NFIC: variants seen among roughly 807,000 people sequenced by gnomAD.
NFIC encodes the protein nuclear factor 1 C-type.
NFIC carries 12 observed loss-of-function variants against 54.4 expected under a neutral mutation model. The ratio of observed to expected loss-of-function variants is 0.22; its 90% confidence interval spans 0.14 to 0.36. The LOEUF (loss-of-function observed/expected upper bound fraction) is 0.36, where lower values mean the gene tolerates loss of function less well. Among genes scored for constraint, NFIC ranks in the 10% least tolerant of loss-of-function variants. NFIC has a pLI of 1.00. For missense variants in NFIC, 575 were observed against 718.2 expected (o/e 0.80, Z 2.28); for synonymous variants, 322 against 319.2 (o/e 1.01, Z -0.09).
intron 1 of NFIC, chr19:3,371,441 T>C (rs2081008177): frequency 6.6e-6 from 1 of 151,242 alleles, no homozygotes; most frequent in Non-Finnish European, 1.5e-5. Flanking sequence ...AGGTCCACAG[T>C]GCAGGGCTTG....
chr19:3,364,626 C>T (rs1035322962), upstream of NFIC, among the ~76,000 whole-genome samples: 10 of 152,186 alleles, frequency 6.6e-5, no homozygotes, highest in Non-Finnish European at 1.3e-4. Context: ...AAGATGCATC[C>T]TGTTACTATA....
rs762649968 is a variant in NFIC, at chr19:3,433,555, C to T, written c.672C>T (p.Gly224=). 1.2e-5 allele frequency: 19 copies of T among 1,613,838 alleles called. No individual in the cohort carries two copies. The highest frequency in any genetic ancestry group is 4.0e-5 in the African/African-American group (3 of 74,906). Residue 224 remains glycine, a synonymous_variant, in exon 4 of 11, where the codon GGC becomes GGT. Coordinates refer to ENST00000443272, the MANE Select transcript of NFIC (RefSeq NM_001245002.2). The part of the protein sequence containing the change: ...TDFQESFVTS[G]VFSVTELIQV... ...TCCAGGAGAGCTTTGTCACCTCCGG[C>T]GTGTTCAGCGTCACTGAGCTCATCC...
chr19:3,456,938 C>T, intron 10 of NFIC: 1 of 448,608 alleles, frequency 2.2e-6, no homozygotes, highest in South Asian at 2.1e-5. Flanking sequence ...CACCTGCTTC[C>T]CATGGTATAG....
intron 2 of NFIC, among the ~76,000 whole-genome samples, chr19:3,389,663 A>C (rs1003593099): frequency 1.1e-4 from 16 of 152,100 alleles, no homozygotes; most frequent in Non-Finnish European, 2.2e-4. Context: ...GTGGTCTCTG[A>C]GAAGCATACA....
At position 3,467,496 on chromosome 19, in the gene NFIC, G is replaced by C. The variant is rs1303088490; in HGVS notation, c.*4727G>C. The C allele has an allele frequency of 6.6e-6, 1 of 151,556 alleles. No homozygotes were observed. The highest frequency in any genetic ancestry group is 2.4e-5 in the African/African-American group (1 of 41,178). 9.4% of individuals were successfully genotyped at this position (151,556 alleles called of 1,614,324 possible). ...AAGGAATGCCAAAGGGGACTCGGTT[G>C]GGAGAGCCGCTTAGGGGCCAGACCT... is the stretch of plus-strand genomic sequence containing the variant. On this transcript the variant is annotated 3_prime_UTR_variant, in exon 11 of 11. Transcript: ENST00000443272.
chr19:3,437,817 T>G (rs2082229168), intron 6 of NFIC, among the ~76,000 whole-genome samples: 1 of 151,978 alleles, frequency 6.6e-6, no homozygotes, highest in Non-Finnish European at 1.5e-5. Flanking sequence ...TAGCTGGGAC[T>G]ACAGGCGGGC....
At chr19:3,372,468 C>G (rs2081036869) in intron 1 of NFIC, among the ~76,000 whole-genome samples, 1 of 152,166 alleles carries the variant, frequency 6.6e-6, no homozygotes, top group African/African-American at 2.4e-5. Context: ...CTTCAGTGGT[C>G]TGGATGCTGG....
rs10622379 is a variant in NFIC, at chr19:3,442,380, CT to C, written c.959-6616del. On this transcript the variant is annotated intron_variant, in intron 6 of 10. Transcript: ENST00000443272. ...CTCTGTCACCCCAGGCTTCCCATCC[CT>C]TTTTTTTTTTTTTTTTTGAGTCAGA... Among the ~76,000 whole-genome samples the C allele has an allele frequency of 1.3e-3, 168 of 132,620 alleles. 2 individuals are homozygous for C. The highest frequency in any genetic ancestry group is 1.3e-3 in the Non-Finnish European group (85 of 63,072). The allele number at this position is 132,620 out of a possible 152,430, so 87.0% of individuals were successfully genotyped here.
At chr19:3,460,733 C>G (rs140380846) in intron 10 of NFIC, among the ~76,000 whole-genome samples, 1 of 150,776 alleles carries the variant, frequency 6.6e-6, no homozygotes, top group African/African-American at 2.4e-5. Flanking sequence ...AGGCTGGTCT[C>G]GAACCCCTGA....
chr19:3,374,675 G>A (rs1299759574), intron 1 of NFIC, among the ~76,000 whole-genome samples: 1 of 152,172 alleles, frequency 6.6e-6, no homozygotes, highest in African/African-American at 2.4e-5. Context: ...GGCGTTGAGG[G>A]ATGTGTAGGA....
rs895789424 is a variant in NFIC, at chr19:3,449,127, G to A, written c.1072G>A (p.Ala358Thr). 19 of 1,613,004 alleles carry A rather than the reference G, an allele frequency of 1.2e-5. No individual in the cohort carries two copies. The highest frequency in any genetic ancestry group is 6.7e-5 in the East Asian group (3 of 44,858). Residue 358 changes from alanine (A) to threonine (T), a missense_variant, in exon 7 of 11, where the codon GCC becomes ACC. Ala to Thr is a moderately conservative substitution (Grantham distance 58). Transcript: ENST00000443272. ...SFTQHHRPVI[A>T]VHSGIARSPH... ...CACCCAGCACCACCGGCCCGTCATC[G>A]CCGTGCACAGCGGTAAGCGCCACGG...
intron 3 of NFIC, 55 bp from the exon 4 acceptor site, chr19:3,433,463 G>T: frequency 6.3e-7 from 1 of 1,593,070 alleles, no homozygotes; most frequent in South Asian, 1.1e-5. Context: ...CTGGAGTGTG[G>T]GGAAGGGAAA....
At position 3,389,478 on chromosome 19, in the gene NFIC, G is replaced by C. The variant is rs150341552; in HGVS notation, c.562+7235G>C. The stretch of plus-strand genomic sequence containing the variant: ...ATCCCGGTTGTGGGTGCTGCACTGG[G>C]GAGACAGGCCATGAGCTCGGGTGAC... On this transcript the variant is annotated intron_variant, in intron 2 of 10. Coordinates refer to ENST00000443272, the MANE Select transcript of NFIC (RefSeq NM_001245002.2). Among the ~76,000 whole-genome samples, 660 of 152,252 alleles carry C rather than the reference G, an allele frequency of 4.3e-3. 3 individuals are homozygous for C. The highest frequency in any genetic ancestry group is 0.015 in the African/African-American group (635 of 41,534).
intron 1 of NFIC, among the ~76,000 whole-genome samples, chr19:3,378,078 C>G (rs1450719739): frequency 6.6e-6 from 1 of 151,762 alleles, no homozygotes; most frequent in African/African-American, 2.4e-5. Context: ...AACCCCATCT[C>G]TACTAAAAAT....
At chr19:3,437,996 G>A (rs568327595) in intron 6 of NFIC, among the ~76,000 whole-genome samples, 19 of 152,044 alleles carry the variant, frequency 1.2e-4, no homozygotes, top group South Asian at 2.1e-4. Flanking sequence ...GCACCCAGCC[G>A]TGACTTCTCA....
intron 2 of NFIC, among the ~76,000 whole-genome samples, chr19:3,399,912 C>T (rs1406062299): frequency 1.3e-5 from 2 of 151,862 alleles, no homozygotes; most frequent in African/African-American, 4.8e-5. Flanking sequence ...AGGCTGGGCA[C>T]AGTGACTCAC....
rs2082610968 is a variant in NFIC at position 3,459,572 on chromosome 19, T to G, written c.1509+2937T>G. On this transcript the variant is annotated intron_variant, in intron 10 of 10. Transcript: ENST00000443272. The surrounding 1 kb of genome is among the most constrained non-coding windows in gnomAD (Gnocchi z 4.2). ...CCCCTTCACACCTACTGCCTCAGTC[T>G]CCCCTCAGCTGAGTGGGAGGATGTG... Among the ~76,000 whole-genome samples, 1 of 151,832 alleles carries G rather than the reference T, an allele frequency of 6.6e-6. No homozygotes were observed. Among genetic ancestry groups the G allele is most frequent in the Admixed American group, 6.6e-5 (1 of 15,252 alleles).
In NFIC at chr19:3,464,661, C is replaced by A. The variant is rs1274568051; in HGVS notation, c.*1892C>A. 2.0e-6 allele frequency: 2 copies of A among 985,068 alleles called. No homozygotes were observed. Among genetic ancestry groups the A allele is most frequent in the Non-Finnish European group, 2.4e-6 (2 of 830,072 alleles). 61.0% of individuals were successfully genotyped at this position (985,068 alleles called of 1,614,324 possible). On this transcript the variant is annotated 3_prime_UTR_variant, in exon 11 of 11. Coordinates refer to ENST00000443272, the MANE Select transcript of NFIC (RefSeq NM_001245002.2). ...TGCTCCTAGCCTCACCCCCCTGCCC[C>A]CGAAAACCAGACTCTCCTCCCAAAC...
At chr19:3,384,804 G>A (rs953344927) in intron 2 of NFIC, among the ~76,000 whole-genome samples, 5 of 152,040 alleles carry the variant, frequency 3.3e-5, no homozygotes, top group African/African-American at 7.2e-5. Flanking sequence ...CACTGGGGAC[G>A]GTGGGGGCAG....
Sources: gnomAD v4.1 joint callset for allele counts (sites outside exome capture counted in the v4.1 genomes callset) on GRCh38, gnomAD v4.1.1 for gene constraint, Gnocchi (gnomAD v3.1) non-coding constraint, MANE v1.5 for transcripts, NCBI Gene and HGNC (gene_info 2026-07-23, HGNC 2026-07-21) for gene names.